The following ZAP70 variants were observed in gnomAD, a reference collection of about 807,000 sequenced individuals.
ZAP70 encodes the protein tyrosine-protein kinase ZAP-70.
Under a neutral mutation model 65.8 loss-of-function variants are expected in ZAP70, and 27 were observed. The observed-to-expected ratio is 0.41, with a 90% CI of 0.30 to 0.57. ZAP70 has a LOEUF of 0.57. ZAP70 is among the 20% of genes least tolerant of loss of function. The probability of loss-of-function intolerance (pLI) is 0.28; values close to 1 mark genes in which losing one functional copy is unlikely to be tolerated. For missense variants in ZAP70, 696 were observed against 870.5 expected (o/e 0.80, Z 2.52); for synonymous variants, 363 against 360.8 (o/e 1.01, Z -0.07).
chr2:97,714,583 G>T (rs1022279114), intron 2 of ZAP70, among the ~76,000 whole-genome samples: 1 of 152,234 alleles, frequency 6.6e-6, no homozygotes, highest in African/African-American at 2.4e-5. Flanking sequence ...CCTGGCAGGC[G>T]CCTGGTTCCT....
intron 4 of ZAP70, among the ~76,000 whole-genome samples, chr2:97,728,694 C>T (rs761057415): frequency 9.9e-5 from 15 of 152,178 alleles, no homozygotes; most frequent in African/African-American, 1.7e-4. Flanking sequence ...TTTATGGAAC[C>T]GGCTGATTCG....
intron 8 of ZAP70, chr2:97,734,172 G>T: frequency 2.8e-6 from 1 of 360,476 alleles, no homozygotes; most frequent in Non-Finnish European, 5.0e-6. Context: ...TCGTAAATGT[G>T]GCTGTGTGCT....
intron 10 of ZAP70, among the ~76,000 whole-genome samples, chr2:97,735,707 C>T (rs1573285674): frequency 6.6e-6 from 1 of 152,198 alleles, no homozygotes; most frequent in Admixed American, 6.5e-5. Flanking sequence ...TCGAATGAGT[C>T]GGCACCTATA....
downstream of ZAP70, among the ~76,000 whole-genome samples, chr2:97,742,794 T>G (rs1678162778): frequency 6.6e-6 from 1 of 152,188 alleles, no homozygotes. Context: ...CATTTTACAG[T>G]TGAGGAAACC....
intron 3 of ZAP70, 75 bp from the exon 4 acceptor site, chr2:97,725,017 C>G: frequency 6.3e-7 from 1 of 1,596,336 alleles, no homozygotes; most frequent in Non-Finnish European, 8.5e-7. Context: ...TCCTCTGGGA[C>G]AGGGCTCCCG....
downstream of ZAP70, among the ~76,000 whole-genome samples, chr2:97,742,748 C>T (rs535314000): frequency 1.3e-5 from 2 of 152,286 alleles, no homozygotes; most frequent in East Asian, 3.9e-4. Flanking sequence ...CTGTTTAATT[C>T]TCAAAACATC....
chr2:97,720,394 A>AT (rs1677113194), intron 2 of ZAP70, among the ~76,000 whole-genome samples: 2 of 151,902 alleles, frequency 1.3e-5, no homozygotes, highest in South Asian at 2.1e-4. Flanking sequence ...CGCCCGACTA[A>AT]TTTTTTTGTA....
chr2:97,754,833 G>A, the ZAP70 span, among the ~76,000 whole-genome samples: 3 of 152,346 alleles, frequency 2.0e-5, no homozygotes, highest in Non-Finnish European at 2.9e-5. Context: ...GCAAGTGCAC[G>A]TAGGAAACCC....
chr2:97,720,598 C>T (rs1236885702), intron 2 of ZAP70, among the ~76,000 whole-genome samples: 3 of 152,192 alleles, frequency 2.0e-5, no homozygotes, highest in Non-Finnish European at 2.9e-5. Flanking sequence ...GTGATCCACC[C>T]GCCTTGATCT....
At chr2:97,717,542 C>T (rs973327054) in intron 2 of ZAP70, among the ~76,000 whole-genome samples, 2 of 152,058 alleles carry the variant, frequency 1.3e-5, no homozygotes, top group East Asian at 1.9e-4. Context: ...CTCCTGCCCG[C>T]TCCCACCAGG....
At chr2:97,722,261 T>C (rs374459183) in intron 2 of ZAP70, among the ~76,000 whole-genome samples, 1 of 152,026 alleles carries the variant, frequency 6.6e-6, no homozygotes, top group African/African-American at 2.4e-5. Flanking sequence ...TTTGTATTTA[T>C]GGTGGAGACG....
chr2:97,717,002 C>T (rs1267359546), intron 2 of ZAP70, among the ~76,000 whole-genome samples: 3 of 152,242 alleles, frequency 2.0e-5, no homozygotes, highest in African/African-American at 7.2e-5. Flanking sequence ...CCAATCCCTG[C>T]AGTCAGGAAA....
At chr2:97,719,560 G>A (rs141426298) in intron 2 of ZAP70, among the ~76,000 whole-genome samples, 3 of 150,122 alleles carry the variant, frequency 2.0e-5, no homozygotes, top group East Asian at 4.2e-4. Flanking sequence ...GCCTGGGGGG[G>A]GGGCGCAGAC....
At chr2:97,749,795 C>T in the ZAP70 span, among the ~76,000 whole-genome samples, 3 of 151,960 alleles carry the variant, frequency 2.0e-5, no homozygotes, top group African/African-American at 4.8e-5. Flanking sequence ...CTGAGGCAAA[C>T]GGGAGCCCAG....
the ZAP70 span, among the ~76,000 whole-genome samples, chr2:97,755,620 G>C: frequency 2.0e-5 from 3 of 152,304 alleles, no homozygotes; most frequent in African/African-American, 7.2e-5. Flanking sequence ...ATTTAGAAAT[G>C]AAAGGGCCAA....
chr2:97,740,338 T>C (rs995571602), downstream of ZAP70, among the ~76,000 whole-genome samples: 1 of 152,254 alleles, frequency 6.6e-6, no homozygotes, highest in Admixed American at 6.5e-5. Context: ...AACATTGTTT[T>C]TAAATTAATT....
At chr2:97,716,457 T>C (rs527965877) in intron 2 of ZAP70, among the ~76,000 whole-genome samples, 95 of 152,300 alleles carry the variant, frequency 6.2e-4, no homozygotes, top group African/African-American at 2.3e-3. Context: ...ATATCATCTT[T>C]TAGGTGGTGA....
chr2:97,715,242 G>A lies in ZAP70; in HGVS notation c.-22+1248G>A, dbSNP rs569128976. On this transcript the variant is annotated intron_variant, in intron 2 of 13. Coordinates refer to ENST00000264972, the MANE Select transcript of ZAP70 (RefSeq NM_001079.4). This position sits in a 1 kb window ranked among gnomAD's most constrained non-coding sequence, Gnocchi z 4.1. Reference sequence around the variant, plus strand: ...ATCAGAGCCAATTTTACCTCCTCCCGTCTCCCTGGGACAGTTGATAGTGCC... The same window carrying A: ...ATCAGAGCCAATTTTACCTCCTCCCATCTCCCTGGGACAGTTGATAGTGCC... 7.2e-5 allele frequency among the ~76,000 whole-genome samples: 11 copies of A among 152,228 alleles called. No individual in the cohort carries two copies. The East Asian group carries it at 7.7e-4, about 11-fold the overall frequency.
At chr2:97,734,866 C>A in intron 9 of ZAP70, 154 bp downstream of exon 9, 1 of 1,062,078 alleles carries the variant, frequency 9.4e-7, no homozygotes, top group Non-Finnish European at 1.4e-6. Flanking sequence ...GGAGGATTCC[C>A]TGAGAGAGCT....
Sources: gnomAD v4.1 joint callset for allele counts (sites outside exome capture counted in the v4.1 genomes callset) on GRCh38, gnomAD v4.1.1 for gene constraint, Gnocchi (gnomAD v3.1) non-coding constraint, MANE v1.5 for transcripts, NCBI Gene and HGNC (gene_info 2026-07-23, HGNC 2026-07-21) for gene names.